Variants in C12orf42 observed in about 807,000 individuals in gnomAD.
The protein encoded by C12orf42 is chromosome 12 open reading frame 42.
C12orf42 carries 25 observed loss-of-function variants against 21.6 expected under a neutral mutation model. That is an observed-to-expected ratio of 1.16 (90% CI 0.84 to 1.62). C12orf42 has a LOEUF of 1.62. C12orf42 is among the 40% of genes most tolerant of loss of function. The pLI, the probability that C12orf42 is intolerant of heterozygous loss-of-function variation, is 0.00. For synonymous variants in C12orf42, 174 were observed against 175.0 expected (o/e 0.99, Z 0.05); for missense variants, 483 against 459.3 (o/e 1.05, Z -0.47).
At chr12:103,255,502 T>C (rs1006609241) in intron 10 of C12orf42, among the ~76,000 whole-genome samples, 1 of 152,238 alleles carries the variant, frequency 6.6e-6, no homozygotes, top group Non-Finnish European at 1.5e-5. Context: ...TATTCCTCTA[T>C]ATATTTTTGA....
At chr12:103,135,224 G>A in the C12orf42 span, among the ~76,000 whole-genome samples, 31 of 152,194 alleles carry the variant, frequency 2.0e-4, no homozygotes, top group Non-Finnish European at 2.6e-4. Flanking sequence ...GAAGATAGAC[G>A]CAGGTGGATC....
At chr12:103,323,675 T>C (rs1350797032) in intron 4 of C12orf42, among the ~76,000 whole-genome samples, 1 of 152,248 alleles carries the variant, frequency 6.6e-6, no homozygotes, top group Non-Finnish European at 1.5e-5. Context: ...CTCTCGAATA[T>C]GTAAAAGTAG....
At chr12:103,537,139 T>C in the C12orf42 span, among the ~76,000 whole-genome samples, 1 of 152,194 alleles carries the variant, frequency 6.6e-6, no homozygotes, top group Non-Finnish European at 1.5e-5. Context: ...TTTCATTTTG[T>C]TAGAAATAAT....
chr12:103,246,551 G>C (rs909395334), intron 10 of C12orf42, among the ~76,000 whole-genome samples: 13 of 151,996 alleles, frequency 8.6e-5, no homozygotes, highest in African/African-American at 2.4e-4. Context: ...AGATGTCACT[G>C]TTTGCCGACA....
chr12:103,367,724 T>C (rs891972862), intron 4 of C12orf42, among the ~76,000 whole-genome samples: 5 of 152,028 alleles, frequency 3.3e-5, no homozygotes, highest in South Asian at 2.1e-4. Flanking sequence ...GTCTACTATG[T>C]ACCTCTTTAT....
At chr12:103,484,863 GTTTTT>G (rs56025837) in intron 1 of C12orf42, among the ~76,000 whole-genome samples, 1 of 71,690 alleles carries the variant, frequency 1.4e-5, no homozygotes, top group South Asian at 6.6e-4. Flanking sequence ...TCTGGTTTCA[GTTTTT>G]TTTTTTTTTT....
chr12:103,429,862 A>T (rs944677835), intron 2 of C12orf42, among the ~76,000 whole-genome samples: 11 of 152,332 alleles, frequency 7.2e-5, no homozygotes, highest in East Asian at 5.8e-4. Flanking sequence ...ACAAACAAGC[A>T]ATAGGGAAAG....
At chr12:103,478,324 A>C (rs2138017075) in intron 2 of C12orf42, 25 bp downstream of exon 2, 1 of 1,509,446 alleles carries the variant, frequency 6.6e-7, no homozygotes, top group Non-Finnish European at 9.1e-7. Context: ...AAAAGTAAGA[A>C]AATATAGTAT....
At chr12:103,437,160 A>G (rs10778247) in intron 2 of C12orf42, among the ~76,000 whole-genome samples, 92,624 of 149,900 alleles carry the variant, frequency 0.62, 29,694 homozygotes, top group Admixed American at 0.72. Context: ...TGACTACTGG[A>G]TACATAATGA....
chr12:103,081,888 C>T, the C12orf42 span, among the ~76,000 whole-genome samples: 1,811 of 152,182 alleles, frequency 0.012, 41 homozygotes, highest in African/African-American at 0.041. Flanking sequence ...AATTTTATAA[C>T]GTGGATATGT....
the C12orf42 span, among the ~76,000 whole-genome samples, chr12:103,103,479 G>T: frequency 1.4e-4 from 22 of 152,324 alleles, no homozygotes; most frequent in African/African-American, 5.3e-4. Context: ...AATCAGAGAG[G>T]TAGATAGGCT....
chr12:103,221,431 C>G, the C12orf42 span, among the ~76,000 whole-genome samples: 2 of 152,170 alleles, frequency 1.3e-5, no homozygotes, highest in Non-Finnish European at 2.9e-5. Flanking sequence ...CAAGTCCAGT[C>G]TCAGTTTTCA....
At chr12:103,436,432 C>T (rs1950719384) in intron 2 of C12orf42, among the ~76,000 whole-genome samples, 1 of 151,846 alleles carries the variant, frequency 6.6e-6, no homozygotes, top group African/African-American at 2.4e-5. Context: ...GGACTAAATG[C>T]TCCAATTAAA....
chr12:103,175,043 A>G, the C12orf42 span, among the ~76,000 whole-genome samples: 1 of 152,212 alleles, frequency 6.6e-6, no homozygotes, highest in Non-Finnish European at 1.5e-5. Context: ...TATCCAACCA[A>G]TTTAGATGCA....
At chr12:103,438,795 G>A (rs1291697941) in intron 2 of C12orf42, among the ~76,000 whole-genome samples, 2 of 151,528 alleles carry the variant, frequency 1.3e-5, no homozygotes, top group African/African-American at 2.4e-5. Context: ...ATGCTCATGG[G>A]TAGGAAGAAT....
chr12:103,124,149 CAT>C, the C12orf42 span, among the ~76,000 whole-genome samples: 1 of 119,436 alleles, frequency 8.4e-6, no homozygotes, highest in African/African-American at 3.1e-5. Context: ...CTAATCCAAA[CAT>C]AAGCTTTTTT....
chr12:103,184,185 C>A, the C12orf42 span, among the ~76,000 whole-genome samples: 1 of 152,210 alleles, frequency 6.6e-6, no homozygotes, highest in African/African-American at 2.4e-5. Context: ...ATTAGTCTAT[C>A]TCCTTTCAGC....
At chr12:103,374,489 G>T (rs911471036) in intron 3 of C12orf42, among the ~76,000 whole-genome samples, 1 of 152,260 alleles carries the variant, frequency 6.6e-6, no homozygotes, top group South Asian at 2.1e-4. Context: ...TGGTAAGCTA[G>T]CTTGAGCTGG....
the C12orf42 span, among the ~76,000 whole-genome samples, chr12:103,058,168 A>G: frequency 6.6e-6 from 1 of 151,724 alleles, no homozygotes; most frequent in Non-Finnish European, 1.5e-5. Flanking sequence ...TGTTGGCCAG[A>G]ATGGTCTTGA....
Sources: allele counts gnomAD v4.1 joint callset (sites outside exome capture counted in the v4.1 genomes callset), GRCh38; gene constraint gnomAD v4.1.1; transcripts MANE v1.5; gene names NCBI Gene and HGNC (gene_info 2026-07-23, HGNC 2026-07-21).